The following ZNRF2 variants were observed in gnomAD, a reference collection of about 807,000 sequenced individuals.
ZNRF2 encodes the protein E3 ubiquitin-protein ligase ZNRF2.
ZNRF2 carries 16 observed loss-of-function variants against 20.4 expected under a neutral mutation model. That is an observed-to-expected ratio of 0.79 (90% CI 0.53 to 1.19). The LOEUF (loss-of-function observed/expected upper bound fraction) is 1.19. ZNRF2 is among the 50% of genes most tolerant of loss of function. The pLI is 0.00. For synonymous variants in ZNRF2, 178 were observed against 144.9 expected (o/e 1.23, Z -1.64); for missense variants, 363 against 332.4 (o/e 1.09, Z -0.72).
chr7:30,308,358 G>A (rs1361516438), intron 1 of ZNRF2, among the ~76,000 whole-genome samples: 1 of 152,134 alleles, frequency 6.6e-6, no homozygotes, highest in African/African-American at 2.4e-5. Flanking sequence ...CATTGCTACT[G>A]TGAATTTTTT....
At position 30,295,014 on chromosome 7, in the gene ZNRF2, GGAGAGAGAGAGA is replaced by G. The variant is rs1161510140; in HGVS notation, c.469+9214_469+9225del. Among the ~76,000 whole-genome samples, 7 of 25,226 alleles carry G rather than the reference GGAGAGAGAGAGA, an allele frequency of 2.8e-4. No homozygotes were observed. The South Asian group carries it at 8.7e-3, about 31-fold the overall frequency. The allele number at this position is 25,226 out of a possible 152,430, so 16.5% of individuals were successfully genotyped here. A position where few individuals can be genotyped will look rare whatever the true frequency, so the allele number is the denominator to read the frequency against. ...GGGACAGAGAGAGAGAGGGAGGGAAGGAGAGAGAGAGAGAGAGAGAGAGAGAGAGAGAGAGAG... is the reference window on the plus strand; with the variant it reads ...GGGACAGAGAGAGAGAGGGAGGGAAGGAGAGAGAGAGAGAGAGAGAGAGAG... On this transcript the variant is annotated intron_variant, in intron 1 of 4. Transcript: ENST00000323037.
intron 1 of ZNRF2, among the ~76,000 whole-genome samples, chr7:30,287,905 C>G (rs1798822126): frequency 6.6e-6 from 1 of 152,154 alleles, no homozygotes; most frequent in Non-Finnish European, 1.5e-5. Flanking sequence ...GATGAGGAAC[C>G]TCAGTTGAGA....
In ZNRF2 at chr7:30,336,832, T is replaced by C. The variant is rs149878894; in HGVS notation, c.565+13095T>C. 1.5e-4 allele frequency among the ~76,000 whole-genome samples: 23 copies of C among 152,272 alleles called. No homozygotes were observed. The East Asian group carries it at 4.1e-3, about 27-fold the overall frequency. ...GGAAATTGTGAATATAAGAGAAGCA[T>C]ATATATTTTCTTCTGTAGAGTGTAA... On this transcript the variant is annotated intron_variant, in intron 2 of 4. Transcript: ENST00000323037.
chr7:30,326,996 A>G lies in ZNRF2; in HGVS notation c.565+3259A>G, dbSNP rs1799563059. Among the ~76,000 whole-genome samples the G allele has an allele frequency of 2.0e-5, 3 of 151,710 alleles. No homozygotes were observed. The South Asian group carries it at 6.2e-4, about 32-fold the overall frequency. The stretch of plus-strand genomic sequence containing the variant: ...ATGGGGTTGTTTGCTTTTTTCTTGT[A>G]AATTTGTTTAAGTTCCTTATATATG... On this transcript the variant is annotated intron_variant, in intron 2 of 4. Coordinates refer to ENST00000323037, the MANE Select transcript of ZNRF2 (RefSeq NM_147128.4).
At chr7:30,340,338 G>A (rs977626973) in intron 2 of ZNRF2, among the ~76,000 whole-genome samples, 6 of 152,162 alleles carry the variant, frequency 3.9e-5, no homozygotes, top group African/African-American at 9.7e-5. Flanking sequence ...TTTTCAAAGG[G>A]AATGCTTCCA....
chr7:30,294,408 C>G (rs1338058502), intron 1 of ZNRF2, among the ~76,000 whole-genome samples: 1 of 152,056 alleles, frequency 6.6e-6, no homozygotes, highest in Admixed American at 6.6e-5. Context: ...TTTTCTTTTA[C>G]TTGGAAGTTA....
chr7:30,285,396 C>T lies in ZNRF2; in HGVS notation c.39C>T (p.Gly13=). The change falls in exon 1 of 5, where the codon GGC becomes GGT. Residue 13 remains glycine (G), a synonymous_variant. Coordinates refer to ENST00000323037, the MANE Select transcript of ZNRF2 (RefSeq NM_147128.4). ...AGAGCGGCCCGGCCGCCGCTAACGG[C>T]CGCACGCGCGCGTACTCGGGCTCGG... The part of the protein sequence containing the change: ...AKQSGPAAAN[G]RTRAYSGSDL... 1.6e-6 allele frequency: 2 copies of T among 1,259,598 alleles called. No individual in the cohort carries two copies. Among genetic ancestry groups the T allele is most frequent in the Admixed American group, 3.2e-5 (1 of 31,042 alleles). 78.0% of individuals were successfully genotyped at this position (1,259,598 alleles called of 1,614,324 possible). A position where few individuals can be genotyped will look rare whatever the true frequency, so the allele number is the denominator to read the frequency against.
intron 1 of ZNRF2, among the ~76,000 whole-genome samples, chr7:30,314,221 A>G (rs1799331442): frequency 6.6e-6 from 1 of 152,212 alleles, no homozygotes; most frequent in Non-Finnish European, 1.5e-5. Context: ...TCCCAGGGAA[A>G]TACCCATGTT....
chr7:30,359,755 T>C (rs1800098193), intron 3 of ZNRF2, among the ~76,000 whole-genome samples: 1 of 152,186 alleles, frequency 6.6e-6, no homozygotes, highest in Non-Finnish European at 1.5e-5. Context: ...AACTTCACCA[T>C]TTTAAAAAAA....
intron 3 of ZNRF2, among the ~76,000 whole-genome samples, chr7:30,358,650 T>G (rs1800076519): frequency 6.6e-6 from 1 of 152,226 alleles, no homozygotes; most frequent in African/African-American, 2.4e-5. Context: ...ACTTGTCCTG[T>G]ACAGATTTAT....
At chr7:30,353,551 A>G (rs940287987) in intron 2 of ZNRF2, among the ~76,000 whole-genome samples, 2 of 152,090 alleles carry the variant, frequency 1.3e-5, no homozygotes, top group Non-Finnish European at 2.9e-5. Context: ...TTAAAATAGC[A>G]TTGTGTTCTT....
At chr7:30,312,087 C>A (rs111375604) in intron 1 of ZNRF2, among the ~76,000 whole-genome samples, 2,658 of 152,190 alleles carry the variant, frequency 0.017, 78 homozygotes, top group African/African-American at 0.06. Context: ...AGCGATCCTC[C>A]CACCTTAGCC....
chr7:30,346,146 GT>G (rs1008701795), intron 2 of ZNRF2, among the ~76,000 whole-genome samples: 73 of 38,136 alleles, frequency 1.9e-3, no homozygotes, highest in South Asian at 6.1e-3. Context: ...TAATTTCAGT[GT>G]TTTTTTTTTT....
chr7:30,342,552 C>T (rs372676886), intron 2 of ZNRF2, among the ~76,000 whole-genome samples: 2 of 152,176 alleles, frequency 1.3e-5, no homozygotes, highest in South Asian at 4.1e-4. Flanking sequence ...TATTGGCCCC[C>T]ACTGTCTTCT....
At chr7:30,327,414 C>T (rs1799570972) in intron 2 of ZNRF2, among the ~76,000 whole-genome samples, 1 of 152,038 alleles carries the variant, frequency 6.6e-6, no homozygotes, top group Admixed American at 6.6e-5. Flanking sequence ...ATCCTTTCCC[C>T]ATTGCTTGTT....
chr7:30,365,636 G>T (rs1348671482), intron 4 of ZNRF2, among the ~76,000 whole-genome samples: 1 of 152,104 alleles, frequency 6.6e-6, no homozygotes. Context: ...ATTCAGTGTT[G>T]TTAAAACATT....
intron 1 of ZNRF2, among the ~76,000 whole-genome samples, chr7:30,302,514 T>C (rs899603528): frequency 2.0e-5 from 3 of 151,884 alleles, no homozygotes; most frequent in African/African-American, 7.3e-5. Context: ...TGGAAACAAA[T>C]GATTATGATA....
chr7:30,352,345 T>C (rs1171429023), intron 2 of ZNRF2, among the ~76,000 whole-genome samples: 1 of 152,010 alleles, frequency 6.6e-6, no homozygotes, highest in East Asian at 1.9e-4. Flanking sequence ...AATTTTTTGG[T>C]ATATGTTGAA....
In ZNRF2 at chr7:30,284,597, A is replaced by C. The variant is rs1400267412; in HGVS notation, c.-761A>C. On this transcript the variant is annotated 5_prime_UTR_variant, in exon 1 of 5. Transcript: ENST00000323037. ...GGGGCGGGGTCAACGCGCGCGACCC[A>C]AACACACGGGCCGGGCGCACCCTGC... The C allele has an allele frequency of 2.0e-5, 3 of 152,642 alleles. No homozygotes were observed. Among genetic ancestry groups the C allele is most frequent in the African/African-American group, 7.3e-5 (3 of 41,366 alleles). 9.5% of individuals were successfully genotyped at this position (152,642 alleles called of 1,614,324 possible).
Sources: allele counts gnomAD v4.1 joint callset (sites outside exome capture counted in the v4.1 genomes callset), GRCh38; gene constraint gnomAD v4.1.1; transcripts MANE v1.5; gene names NCBI Gene and HGNC (gene_info 2026-07-23, HGNC 2026-07-21).